Variants in CNTN5 observed in about 807,000 individuals in gnomAD.
CNTN5 encodes contactin-5.
Under a neutral mutation model 129.1 loss-of-function variants are expected in CNTN5, and 77 were observed. That is an observed-to-expected ratio of 0.60 (90% CI 0.50 to 0.72). The LOEUF (loss-of-function observed/expected upper bound fraction) is 0.72. Ranked by LOEUF, CNTN5 falls within the 30% of genes least tolerant of loss-of-function variation. The pLI is 0.00. For missense variants in CNTN5, 1,478 were observed against 1,328.8 expected (o/e 1.11, Z -1.75); for synonymous variants, 509 against 465.6 (o/e 1.09, Z -1.20).
At chr11:99,454,264 AAGGGTAATGATAT>A (rs1456645244) in intron 2 of CNTN5, among the ~76,000 whole-genome samples, 1 of 152,168 alleles carries the variant, frequency 6.6e-6, no homozygotes, top group East Asian at 1.9e-4. Flanking sequence ...AAAATAGATA[AAGGGTAATGATAT>A]AGTTGGGCTT....
At chr11:100,178,669 C>G (rs1363493637) in intron 13 of CNTN5, among the ~76,000 whole-genome samples, 3 of 152,170 alleles carry the variant, frequency 2.0e-5, no homozygotes, top group Non-Finnish European at 2.9e-5. Flanking sequence ...TGTTTCCTTG[C>G]TGTTCTGAGG....
chr11:99,394,580 C>T (rs759471974), intron 2 of CNTN5, among the ~76,000 whole-genome samples: 3 of 151,366 alleles, frequency 2.0e-5, no homozygotes, highest in Non-Finnish European at 4.4e-5. Flanking sequence ...GGTATAAGTG[C>T]AGGTTTGTTA....
intron 3 of CNTN5, among the ~76,000 whole-genome samples, chr11:99,674,163 G>A (rs1953169926): frequency 6.6e-6 from 1 of 152,144 alleles, no homozygotes; most frequent in Admixed American, 6.5e-5. Context: ...ACTGATGTGA[G>A]ATGGCATCTC....
At chr11:99,524,055 T>A (rs1415704518) in intron 2 of CNTN5, among the ~76,000 whole-genome samples, 2 of 152,078 alleles carry the variant, frequency 1.3e-5, no homozygotes, top group African/African-American at 4.8e-5. Flanking sequence ...ATTTGAAAAA[T>A]AGAAATAAAT....
rs372303923 is a variant in CNTN5, at chr11:99,679,159, CTA to C, written c.55+122895_55+122896del. Reference sequence around the variant, plus strand: ...AAATATATATAAGTACATATAACCTCTATATAGGGAATATATATAAATATTTT... The same window carrying C: ...AAATATATATAAGTACATATAACCTCTATAGGGAATATATATAAATATTTT... On this transcript the variant is annotated intron_variant, in intron 3 of 24. Coordinates refer to ENST00000524871, the MANE Select transcript of CNTN5 (RefSeq NM_014361.4). Among the ~76,000 whole-genome samples the C allele has an allele frequency of 3.3e-3, 483 of 145,396 alleles. 4 individuals are homozygous for C. The highest frequency in any genetic ancestry group is 0.012 in the African/African-American group (465 of 39,796).
rs184902662 is a variant in CNTN5, at chr11:100,001,081, C to T, written c.878-953C>T. ...ATGGAGACATTTTTCCCATTGTCTT[C>T]ACTATTAACACTCAGCTCCTCGTTA... On this transcript the variant is annotated intron_variant, in intron 8 of 24. Coordinates refer to ENST00000524871, the MANE Select transcript of CNTN5 (RefSeq NM_014361.4). Among the ~76,000 whole-genome samples, 261 of 152,252 alleles carry T rather than the reference C, an allele frequency of 1.7e-3. 2 individuals carry two copies. The highest frequency in any genetic ancestry group is 1.1e-3 in the Non-Finnish European group (75 of 68,020).
chr11:99,947,852 T>A (rs887472651), intron 7 of CNTN5, among the ~76,000 whole-genome samples: 1 of 152,190 alleles, frequency 6.6e-6, no homozygotes, highest in African/African-American at 2.4e-5. Flanking sequence ...TTAAAAGAAG[T>A]TAAGCATTTT....
In CNTN5 at chr11:99,695,401, A is replaced by G. The variant is rs563367899; in HGVS notation, c.56-124143A>G. 2.6e-5 allele frequency among the ~76,000 whole-genome samples: 4 copies of G among 152,242 alleles called. No individual in the cohort carries two copies. The East Asian group carries it at 5.8e-4, about 22-fold the overall frequency. On this transcript the variant is annotated intron_variant, in intron 3 of 24. Coordinates refer to ENST00000524871, the MANE Select transcript of CNTN5 (RefSeq NM_014361.4). ...CTGAATTAGATCCATGTGAAGATAG[A>G]CACCAGGGTGTTGCCTGCAAAAGGC...
At chr11:99,357,395 A>G (rs1270222936) in intron 2 of CNTN5, among the ~76,000 whole-genome samples, 1 of 151,820 alleles carries the variant, frequency 6.6e-6, no homozygotes, top group Non-Finnish European at 1.5e-5. Flanking sequence ...TTAAATAACA[A>G]TATTATATAC....
intron 21 of CNTN5, among the ~76,000 whole-genome samples, chr11:100,328,270 C>T (rs1403350209): frequency 6.6e-6 from 1 of 152,078 alleles, no homozygotes; most frequent in Non-Finnish European, 1.5e-5. Flanking sequence ...GTGGGAGGAT[C>T]ACTCTAGCCT....
intron 2 of CNTN5, among the ~76,000 whole-genome samples, chr11:99,327,067 T>G (rs1017705780): frequency 1.3e-5 from 2 of 152,176 alleles, no homozygotes; most frequent in African/African-American, 4.8e-5. Flanking sequence ...CTATATTTTT[T>G]TTTACTTCTG....
At chr11:99,759,877 T>C (rs924185114) in intron 3 of CNTN5, among the ~76,000 whole-genome samples, 1 of 152,040 alleles carries the variant, frequency 6.6e-6, no homozygotes, top group African/African-American at 2.4e-5. Context: ...ACGTGAAATA[T>C]TTAGGGTAAG....
intron 18 of CNTN5, among the ~76,000 whole-genome samples, chr11:100,285,173 T>C (rs940108763): frequency 6.6e-6 from 1 of 152,238 alleles, no homozygotes; most frequent in Non-Finnish European, 1.5e-5. Context: ...TATTACTTTA[T>C]TAAATGGAAA....
chr11:99,092,681 A>G (rs1018925431), intron 1 of CNTN5, among the ~76,000 whole-genome samples: 5 of 152,064 alleles, frequency 3.3e-5, no homozygotes, highest in Non-Finnish European at 5.9e-5. Context: ...ATACTTATGT[A>G]CATCTACAAA....
At chr11:99,106,532 A>C (rs1442082085) in intron 1 of CNTN5, among the ~76,000 whole-genome samples, 4 of 152,176 alleles carry the variant, frequency 2.6e-5, no homozygotes, top group African/African-American at 9.6e-5. Flanking sequence ...ATATTCAGAT[A>C]CTACAGTAAT....
intron 4 of CNTN5, among the ~76,000 whole-genome samples, chr11:99,837,715 A>G (rs901064206): frequency 6.6e-6 from 1 of 151,330 alleles, no homozygotes; most frequent in Non-Finnish European, 1.5e-5. Flanking sequence ...CCTATCAAAT[A>G]TCACATGTGA....
chr11:99,890,188 A>AAAC (rs562530730), intron 6 of CNTN5, among the ~76,000 whole-genome samples: 1 of 152,216 alleles, frequency 6.6e-6, no homozygotes, highest in Non-Finnish European at 1.5e-5. Context: ...AAGTTCTCAG[A>AAAC]AACAACAACA....
intron 3 of CNTN5, among the ~76,000 whole-genome samples, chr11:99,570,900 T>G (rs764601826): frequency 2.6e-5 from 4 of 152,078 alleles, no homozygotes; most frequent in Non-Finnish European, 4.4e-5. Flanking sequence ...ACAAGCCACA[T>G]GAATATCTGA....
intron 2 of CNTN5, among the ~76,000 whole-genome samples, chr11:99,399,890 T>A (rs1179673283): frequency 6.6e-6 from 1 of 152,032 alleles, no homozygotes; most frequent in African/African-American, 2.4e-5. Context: ...AGAAGGTGGA[T>A]ACATTTATGG....
Sources: allele counts gnomAD v4.1 joint callset (sites outside exome capture counted in the v4.1 genomes callset), GRCh38; gene constraint gnomAD v4.1.1; transcripts MANE v1.5; gene names NCBI Gene and HGNC (gene_info 2026-07-23, HGNC 2026-07-21).